OR51M1: variants seen among roughly 807,000 people sequenced by gnomAD.
OR51M1 encodes olfactory receptor family 51 subfamily M member 1.
For missense variants in OR51M1, 509 were observed against 404.4 expected (o/e 1.26, Z -2.22); for synonymous variants, 199 against 155.1 (o/e 1.28, Z -2.10).
rs766126483 is a variant in OR51M1 at position 5,390,290 on chromosome 11, A to G, written c.892A>G (p.Met298Val). 6.2e-6 allele frequency: 10 copies of G among 1,613,754 alleles called. No homozygotes were observed. Among genetic ancestry groups the G allele is most frequent in the African/African-American group, 1.3e-5 (1 of 74,896 alleles). The change falls in exon 3 of 3, where the codon ATG becomes GTG. Residue 298 changes from methionine to valine, a missense_variant. Transcript: ENST00000642046. ...CAATGTCTACCTTTTTGTGCCTCCCATGCTTAACCCAATCATATACAGCAT... is the reference window on the plus strand; with the variant it reads ...CAATGTCTACCTTTTTGTGCCTCCCGTGCTTAACCCAATCATATACAGCAT... ...MANVYLFVPP[M>V]LNPIIYSIKT...
At position 5,392,747 on chromosome 11, in the gene OR51M1, C is replaced by G. The variant is rs549929226; in HGVS notation, c.*2368C>G. 4 of 152,094 alleles carry G rather than the reference C, an allele frequency of 2.6e-5. No homozygotes were observed. Among genetic ancestry groups the G allele is most frequent in the African/African-American group, 9.7e-5 (4 of 41,394 alleles). 9.4% of individuals were successfully genotyped at this position (152,094 alleles called of 1,614,324 possible). On this transcript the variant is annotated 3_prime_UTR_variant, in exon 3 of 3. Transcript: ENST00000642046. ...CTAACACGGTGGAACCCAGTCTCTA[C>G]TAAAAATACAAAAAGTTAGCCGGGC...
In OR51M1 at chr11:5,392,972, G is replaced by A. The variant is rs1271102660; in HGVS notation, c.*2593G>A. ...TGCTGTTAAGTATGTGGTAAAAGAG[G>A]TATTTTCACATACCAGAATGAAAAC... On this transcript the variant is annotated 3_prime_UTR_variant, in exon 3 of 3. Coordinates refer to ENST00000642046, the MANE Select transcript of OR51M1 (RefSeq NM_001004756.3). The A allele has an allele frequency of 1.3e-5, 2 of 152,148 alleles. No homozygotes were observed. The highest frequency in any genetic ancestry group is 2.9e-5 in the Non-Finnish European group (2 of 68,024). 9.4% of individuals were successfully genotyped at this position (152,148 alleles called of 1,614,324 possible).
Position 5,383,904 on chromosome 11 carries a change from G to C in OR51M1, c.-135G>C, listed in dbSNP as rs1849646075. 6.6e-6 allele frequency: 1 copy of C among 152,148 alleles called. No individual in the cohort carries two copies. The highest frequency in any genetic ancestry group is 2.4e-5 in the African/African-American group (1 of 41,396). 9.4% of individuals were successfully genotyped at this position (152,148 alleles called of 1,614,324 possible). On this transcript the variant is annotated 5_prime_UTR_variant, in exon 1 of 3. Transcript: ENST00000642046. ...ACCTACTCATTGGCTTCACATTTTTGTTATTACCTGCTGGTGAGTCTCACT... is the reference window on the plus strand; with the variant it reads ...ACCTACTCATTGGCTTCACATTTTTCTTATTACCTGCTGGTGAGTCTCACT...
At position 5,389,623 on chromosome 11, in the gene OR51M1, A is replaced by G. The variant is rs1312674722; in HGVS notation, c.225A>G (p.Leu75=). The G allele has an allele frequency of 1.9e-6, 3 of 1,613,510 alleles. No homozygotes were observed. The highest frequency in any genetic ancestry group is 2.2e-5 in the East Asian group (1 of 44,896). The stretch of plus-strand genomic sequence containing the variant: ...TGCACACACCCATGTACTATCTACT[A>G]TCCTTGCTGGCCCTCACTGACCTGG... ...PRLHTPMYYL[L]SLLALTDLGL... is the part of the protein sequence containing the mutation. The change falls in exon 3 of 3, where the codon CTA becomes CTG. Residue 75 remains leucine, a synonymous_variant. Transcript: ENST00000642046.
In OR51M1 at chr11:5,389,848, C is replaced by G; in HGVS notation, c.450C>G (p.Gly150=). The change falls in exon 3 of 3, where the codon GGC becomes GGG. Residue 150 remains glycine (G), a synonymous_variant. Coordinates refer to ENST00000642046, the MANE Select transcript of OR51M1 (RefSeq NM_001004756.3). Reference sequence around the variant, plus strand: ...TGAGGTATTCGGTCATTATCACTGGCCAGCAAGTGGTCAGAGCAGGCCTAA... The same window carrying G: ...TGAGGTATTCGGTCATTATCACTGGGCAGCAAGTGGTCAGAGCAGGCCTAA... ...HPLRYSVIIT[G]QQVVRAGLIV... is the part of the protein sequence containing the mutation. 2 of 1,613,852 alleles carry G rather than the reference C, an allele frequency of 1.2e-6. No homozygotes were observed. The highest frequency in any genetic ancestry group is 1.6e-4 in the Middle Eastern group (1 of 6,062).
rs1849763829 is a variant in OR51M1 at position 5,389,767 on chromosome 11, G to A, written c.369G>A (p.Glu123=). 2 of 1,612,720 alleles carry A rather than the reference G, an allele frequency of 1.2e-6. No individual in the cohort carries two copies. The highest frequency in any genetic ancestry group is 1.7e-6 in the Non-Finnish European group (2 of 1,179,548). Residue 123 remains glutamate, a synonymous_variant, in exon 3 of 3, where the codon GAG becomes GAA. Coordinates refer to ENST00000642046, the MANE Select transcript of OR51M1 (RefSeq NM_001004756.3). ...GCATCCACTCTTTTTCCTTCATGGA[G>A]TCCTCAGTGCTCCTCATGATGTCCT... ...MFCIHSFSFM[E]SSVLLMMSFD...
Position 5,390,022 on chromosome 11 carries a change from T to C in OR51M1, c.624T>C (p.Asn208=). Residue 208 remains asparagine (N), a synonymous_variant, in exon 3 of 3, where the codon AAT becomes AAC. Transcript: ENST00000642046. Reference sequence around the variant, plus strand: ...CCTGCACAGATATCACCTTCAATAATCTGTATGGACTGATGGTGGTAGTTT... The same window carrying C: ...CCTGCACAGATATCACCTTCAATAACCTGTATGGACTGATGGTGGTAGTTT... ...QLACTDITFN[N]LYGLMVVVFT... 6.2e-7 allele frequency: 1 copy of C among 1,613,516 alleles called. No individual in the cohort carries two copies. The highest frequency in any genetic ancestry group is 1.3e-5 in the African/African-American group (1 of 75,056).
Position 5,390,199 on chromosome 11 carries a change from G to C in OR51M1, c.801G>C (p.Met267Ile). Residue 267 changes from methionine to isoleucine, a missense_variant, in exon 3 of 3, where the codon ATG (methionine) becomes ATC (isoleucine). Physicochemically the swap from Met to Ile is conservative, Grantham distance 10 (BLOSUM62 1). Coordinates refer to ENST00000642046, the MANE Select transcript of OR51M1 (RefSeq NM_001004756.3). The part of the protein sequence containing the change: ...LCAVLVFFVP[M>I]MGLSLVHRFG... Reference sequence around the variant, plus strand: ...CTGTGCTAGTATTCTTTGTGCCCATGATGGGGCTGTCCCTGGTGCACCGTT... The same window carrying C: ...CTGTGCTAGTATTCTTTGTGCCCATCATGGGGCTGTCCCTGGTGCACCGTT... The C allele has an allele frequency of 6.2e-7, 1 of 1,613,980 alleles. No individual in the cohort carries two copies. Among genetic ancestry groups the C allele is most frequent in the Non-Finnish European group, 8.5e-7 (1 of 1,179,882 alleles).
Position 5,390,112 on chromosome 11 carries a change from A to T in OR51M1, c.714A>T (p.Ala238=), listed in dbSNP as rs1187983143. 2 of 1,613,816 alleles carry T rather than the reference A, an allele frequency of 1.2e-6. No individual in the cohort carries two copies. Among genetic ancestry groups the T allele is most frequent in the Non-Finnish European group, 1.7e-6 (2 of 1,179,898 alleles). ...ATGGACTCATCCTGCACACAGTAGCAGGCCTGGCCTCCCAAGAGGAGCAGC... is the reference window on the plus strand; with the variant it reads ...ATGGACTCATCCTGCACACAGTAGCTGGCCTGGCCTCCCAAGAGGAGCAGC... ...LSYGLILHTV[A]GLASQEEQRR... The change falls in exon 3 of 3, where the codon GCA becomes GCT. Residue 238 remains alanine, a synonymous_variant. Transcript: ENST00000642046.
intron 2 of OR51M1, among the ~76,000 whole-genome samples, chr11:5,386,655 G>T (rs1460557327): frequency 6.8e-6 from 1 of 146,206 alleles, no homozygotes; most frequent in African/African-American, 2.5e-5. Flanking sequence ...CTGCAGTAGA[G>T]GATGGACCAA....
chr11:5,384,302 G>T (rs957590535), intron 1 of OR51M1, among the ~76,000 whole-genome samples: 1 of 152,076 alleles, frequency 6.6e-6, no homozygotes, highest in Non-Finnish European at 1.5e-5. Flanking sequence ...CTTCCAAGTT[G>T]CCAGGATTAT....
At chr11:5,385,244 C>T (rs923193515) in intron 1 of OR51M1, 109 bp from the exon 2 acceptor site, 1 of 152,230 alleles carries the variant, frequency 6.6e-6, no homozygotes, top group Non-Finnish European at 1.5e-5. Context: ...GCTCTCCTAT[C>T]ATGGATAATT....
At chr11:5,386,971 A>G in intron 2 of OR51M1, among the ~76,000 whole-genome samples, 1 of 152,130 alleles carries the variant, frequency 6.6e-6, no homozygotes, top group African/African-American at 2.4e-5. Flanking sequence ...TTTCATCAGT[A>G]TCCTTTTGGA....
rs778999949 is a variant in OR51M1, at chr11:5,389,604, C to T, written c.206C>T (p.Thr69Ile). Residue 69 changes from threonine to isoleucine, a missense_variant, in exon 3 of 3, where the codon ACA becomes ATA. By Grantham distance (89) the Thr-to-Ile change is moderately conservative. Coordinates refer to ENST00000642046, the MANE Select transcript of OR51M1 (RefSeq NM_001004756.3). The part of the protein sequence containing the change: ...IIIKTNPRLH[T>I]PMYYLLSLLA... ...ATTAAGACCAACCCTCGTCTGCACA[C>T]ACCCATGTACTATCTACTATCCTTG... is the stretch of plus-strand genomic sequence containing the variant. The T allele has an allele frequency of 1.2e-6, 2 of 1,613,864 alleles. No homozygotes were observed. The highest frequency in any genetic ancestry group is 1.7e-6 in the Non-Finnish European group (2 of 1,179,892).
intron 1 of OR51M1, among the ~76,000 whole-genome samples, chr11:5,384,808 C>G (rs1311230974): frequency 6.6e-6 from 1 of 152,200 alleles, no homozygotes; most frequent in Non-Finnish European, 1.5e-5. Flanking sequence ...CCCCAGTATC[C>G]AGGATATGGC....
Position 5,389,486 on chromosome 11 carries a change from C to T in OR51M1, c.88C>T (p.Pro30Ser). 1 of 1,614,012 alleles carries T rather than the reference C, an allele frequency of 6.2e-7. No homozygotes were observed. Among genetic ancestry groups the T allele is most frequent in the Non-Finnish European group, 8.5e-7 (1 of 1,179,890 alleles). The change falls in exon 3 of 3, where the codon CCT (proline) becomes TCT (serine). Residue 30 changes from proline (P) to serine (S), a missense_variant. Transcript: ENST00000642046. ...CCCCATATTCTATCTCACCAGCTTT[C>T]CTGGATTGGAAGGCATCAAACACTG... Reference protein sequence around the residue: ...FSPIFYLTSFPGLEGIKHWIF... With the variant: ...FSPIFYLTSFSGLEGIKHWIF...
intron 2 of OR51M1, among the ~76,000 whole-genome samples, chr11:5,386,332 A>G (rs1849694729): frequency 6.6e-6 from 1 of 152,188 alleles, no homozygotes; most frequent in Non-Finnish European, 1.5e-5. Flanking sequence ...TGAGGCTACC[A>G]GGGCCATGCA....
At chr11:5,387,001 G>A (rs1415587501) in intron 2 of OR51M1, among the ~76,000 whole-genome samples, 1 of 151,980 alleles carries the variant, frequency 6.6e-6, no homozygotes, top group Non-Finnish European at 1.5e-5. Flanking sequence ...TGAGAAGGCA[G>A]AAACTCAGGC....
rs542173609 is a variant in OR51M1, at chr11:5,387,553, GC to G, written c.-15-1830del. Reference sequence around the variant, plus strand: ...CACAAGTATAATAAAATTCAAAGTAGCTTGCGTGACCTGCAAGATCATACAT... The same window carrying G: ...CACAAGTATAATAAAATTCAAAGTAGTTGCGTGACCTGCAAGATCATACAT... On this transcript the variant is annotated intron_variant, in intron 2 of 2. Coordinates refer to ENST00000642046, the MANE Select transcript of OR51M1 (RefSeq NM_001004756.3). Among the ~76,000 whole-genome samples the G allele has an allele frequency of 2.1e-3, 316 of 152,114 alleles. 5 individuals carry two copies. Among genetic ancestry groups the G allele is most frequent in the South Asian group, 0.011 (53 of 4,818 alleles).
Sources: allele counts gnomAD v4.1 joint callset (sites outside exome capture counted in the v4.1 genomes callset), GRCh38; gene constraint gnomAD v4.1.1; transcripts MANE v1.5; gene names NCBI Gene and HGNC (gene_info 2026-07-23, HGNC 2026-07-21).